The following FBXW4 variants were observed in gnomAD, a reference collection of about 807,000 sequenced individuals.
FBXW4 encodes F-box/WD repeat-containing protein 4.
A neutral mutation model predicts 61.8 loss-of-function variants in FBXW4; 40 were observed. The ratio of observed to expected loss-of-function variants is 0.65; its 90% confidence interval spans 0.50 to 0.84. The LOEUF is 0.84. Ranked by LOEUF, FBXW4 falls within the 40% of genes least tolerant of loss-of-function variation. The pLI is 0.00. For missense variants in FBXW4, 672 were observed against 753.8 expected (o/e 0.89, Z 1.27); for synonymous variants, 311 against 313.8 (o/e 0.99, Z 0.10).
At chr10:101,640,765 C>T (rs891252230) in intron 5 of FBXW4, among the ~76,000 whole-genome samples, 1 of 151,590 alleles carries the variant, frequency 6.6e-6, no homozygotes, top group Non-Finnish European at 1.5e-5. Flanking sequence ...ATCCACCTGC[C>T]TCGGCCTCCC....
intron 4 of FBXW4, among the ~76,000 whole-genome samples, chr10:101,669,270 C>G (rs1416491400): frequency 6.6e-6 from 1 of 152,152 alleles, no homozygotes; most frequent in African/African-American, 2.4e-5. Context: ...TTCTGGCCTA[C>G]TCTTTGGACT....
intron 5 of FBXW4, among the ~76,000 whole-genome samples, chr10:101,656,357 A>T (rs866574327): frequency 3.9e-5 from 6 of 152,172 alleles, no homozygotes; most frequent in South Asian, 4.1e-4. Context: ...CCAGAAAGTC[A>T]CACCTCTCTA....
At chr10:101,685,061 C>T (rs2064521112) in intron 1 of FBXW4, among the ~76,000 whole-genome samples, 1 of 152,190 alleles carries the variant, frequency 6.6e-6, no homozygotes, top group Non-Finnish European at 1.5e-5. Context: ...AAGCCAATCT[C>T]TTCCACGTTC....
intron 1 of FBXW4, among the ~76,000 whole-genome samples, chr10:101,688,459 T>C (rs1332848503): frequency 6.6e-6 from 1 of 152,182 alleles, no homozygotes; most frequent in African/African-American, 2.4e-5. Flanking sequence ...GTGGACAGTT[T>C]GGATAAAATG....
At chr10:101,663,676 G>A (rs950409441) in intron 5 of FBXW4, among the ~76,000 whole-genome samples, 2 of 151,378 alleles carry the variant, frequency 1.3e-5, no homozygotes, top group African/African-American at 2.4e-5. Context: ...TGTTACTCTT[G>A]GGAAGTTGCT....
At chr10:101,643,651 C>CT (rs1337739192) in intron 5 of FBXW4, among the ~76,000 whole-genome samples, 4 of 152,168 alleles carry the variant, frequency 2.6e-5, no homozygotes, top group Non-Finnish European at 5.9e-5. Flanking sequence ...TTTACCTAAA[C>CT]TTACTGGGCA....
chr10:101,611,318 G>C lies in FBXW4; in HGVS notation c.1677C>G (p.Leu559=). The C allele has an allele frequency of 2.5e-6, 4 of 1,614,168 alleles. No homozygotes were observed. In the South Asian group the frequency reaches 3.3e-5, roughly 13 times the overall value. ...KHLYAALSYN[L]HVLDFQNP The stretch of plus-strand genomic sequence containing the variant: ...ATGGGTTTTGAAAATCCAGGACGTG[G>C]AGGTTGTAAGACAGGGCAGCATAGA... Residue 559 remains leucine, a synonymous_variant, in exon 9 of 9, where the codon CTC becomes CTG. Transcript: ENST00000331272. The surrounding 1 kb of genome is among the most constrained non-coding windows in gnomAD (Gnocchi z 4.9).
rs200410379 is a variant in FBXW4, at chr10:101,612,493, C to T, written c.1302-16G>A. 117 of 1,546,000 alleles carry T rather than the reference C, an allele frequency of 7.6e-5. No individual in the cohort carries two copies. The highest frequency in any genetic ancestry group is 1.7e-4 in the Middle Eastern group (1 of 5,840). On this transcript the variant is annotated splice_polypyrimidine_tract_variant and intron_variant, in intron 6 of 8. Transcript: ENST00000331272. Reference sequence around the variant, plus strand: ...CAGCTGCCCACTGGGAAGGGAAGGACGGAGTGAGAGGCTGCTCCACGTGGG... The same window carrying T: ...CAGCTGCCCACTGGGAAGGGAAGGATGGAGTGAGAGGCTGCTCCACGTGGG...
chr10:101,680,964 T>C (rs1471696199), intron 1 of FBXW4, among the ~76,000 whole-genome samples: 1 of 152,218 alleles, frequency 6.6e-6, no homozygotes, highest in Non-Finnish European at 1.5e-5. Flanking sequence ...ATACTGCCAC[T>C]AGAAATGACA....
At chr10:101,695,185 T>C, upstream of FBXW4, 5 of 985,328 alleles carry the variant, frequency 5.1e-6, no homozygotes, top group Non-Finnish European at 2.4e-6. This position sits in a 1 kb window ranked among gnomAD's most constrained non-coding sequence, Gnocchi z 4.2. Flanking sequence ...CGACACCATG[T>C]CGGACCGGGT....
intron 6 of FBXW4, among the ~76,000 whole-genome samples, 156 bp from the exon 7 acceptor site, chr10:101,612,633 C>T (rs1007895223): frequency 6.6e-6 from 1 of 152,108 alleles, no homozygotes; most frequent in African/African-American, 2.4e-5. Flanking sequence ...CCAATTCCTA[C>T]CCACCTCACC....
rs2064645787 is a variant in FBXW4 at position 101,694,272 on chromosome 10, A to AACTCGGGGTGCGACACG, written c.725+92_725+108dup. 5.5e-6 allele frequency: 6 copies of AACTCGGGGTGCGACACG among 1,089,224 alleles called. No individual in the cohort carries two copies. The highest frequency in any genetic ancestry group is 6.0e-6 in the Non-Finnish European group (5 of 833,780). 67.5% of individuals were successfully genotyped at this position (1,089,224 alleles called of 1,614,324 possible). The stretch of plus-strand genomic sequence containing the variant: ...GGCGGAGGTCAGGTGTAGGCCTAGA[A>AACTCGGGGTGCGACACG]ACTCGGGGTGCGACACGACCCTGGG... On this transcript the variant is annotated intron_variant, in intron 1 of 8. Coordinates refer to ENST00000331272, the MANE Select transcript of FBXW4 (RefSeq NM_022039.4). The surrounding 1 kb of genome is among the most constrained non-coding windows in gnomAD (Gnocchi z 6.0).
chr10:101,615,018 C>CT (rs2063815372), intron 6 of FBXW4, among the ~76,000 whole-genome samples: 1 of 151,336 alleles, frequency 6.6e-6, no homozygotes, highest in Non-Finnish European at 1.5e-5. Context: ...AACAAGCTGT[C>CT]TGTCTCCTCA....
chr10:101,659,760 C>A (rs1379135263), intron 5 of FBXW4, among the ~76,000 whole-genome samples: 2 of 152,164 alleles, frequency 1.3e-5, no homozygotes, highest in African/African-American at 4.8e-5. Flanking sequence ...CTATTTCCAA[C>A]AAGGTACATG....
intron 5 of FBXW4, among the ~76,000 whole-genome samples, chr10:101,662,977 C>T (rs2064260056): frequency 6.6e-6 from 1 of 152,148 alleles, no homozygotes; most frequent in Non-Finnish European, 1.5e-5. Flanking sequence ...TTCACAGGTC[C>T]CCACAGAGCC....
chr10:101,683,268 T>C (rs988693026), intron 1 of FBXW4, among the ~76,000 whole-genome samples: 16 of 152,264 alleles, frequency 1.1e-4, no homozygotes, highest in Non-Finnish European at 2.1e-4. Context: ...AAATGATTAG[T>C]GCCCTGTAAA....
intron 5 of FBXW4, among the ~76,000 whole-genome samples, chr10:101,661,855 C>T (rs187695060): frequency 2.4e-4 from 36 of 152,300 alleles, no homozygotes; most frequent in East Asian, 1.2e-3. Flanking sequence ...CTACAGTCCA[C>T]GCCATCAGGA....
At chr10:101,691,923 C>A (rs1369272054) in intron 1 of FBXW4, among the ~76,000 whole-genome samples, 4 of 152,164 alleles carry the variant, frequency 2.6e-5, no homozygotes, top group African/African-American at 9.7e-5. Flanking sequence ...GTAGAGTAAT[C>A]TTCTACATTC....
chr10:101,632,230 G>A (rs1404852502), intron 5 of FBXW4, among the ~76,000 whole-genome samples: 2 of 151,198 alleles, frequency 1.3e-5, no homozygotes, highest in Admixed American at 6.6e-5. Context: ...ACACACACAC[G>A]CAACCCTCTC....
Sources: allele counts gnomAD v4.1 joint callset (sites outside exome capture counted in the v4.1 genomes callset), GRCh38; gene constraint gnomAD v4.1.1; non-coding constraint Gnocchi (gnomAD v3.1); transcripts MANE v1.5; gene names NCBI Gene and HGNC (gene_info 2026-07-23, HGNC 2026-07-21).